Variants in PGLYRP2 observed in about 807,000 individuals in gnomAD.
The protein encoded by PGLYRP2 is peptidoglycan recognition protein 2, also known as N-acetylmuramoyl-L-alanine amidase.
PGLYRP2 carries 38 observed loss-of-function variants against 46.2 expected under a neutral mutation model. The ratio of observed to expected loss-of-function variants is 0.82; its 90% CI spans 0.64 to 1.08. The LOEUF is 1.08. Ranked by LOEUF, PGLYRP2 falls within the 50% of genes least tolerant of loss-of-function variation. The pLI is 0.00. For missense variants in PGLYRP2, 713 were observed against 755.9 expected, an observed-to-expected ratio of 0.94 and a Z score of 0.67; for synonymous variants, 289 against 329.4, an observed-to-expected ratio of 0.88 and a Z score of 1.33.
At position 15,475,650 on chromosome 19, in the gene PGLYRP2, A is replaced by G. The variant is rs1970786897; in HGVS notation, c.1020T>C (p.Leu340=). The change falls in exon 2 of 5, where the codon CTT becomes CTC. Residue 340 remains leucine, a synonymous_variant. Transcript: ENST00000340880. ...CTGGCTCCAGCCTCTGTAGAAGGAC[A>G]AGGGTTCCCCACACCTGCTGGGCCA... The part of the protein sequence containing the change: ...SILAQQVWGT[L]VLLQRLEPVH... The G allele has an allele frequency of 6.2e-7, 1 of 1,614,020 alleles. No individual in the cohort carries two copies. Among genetic ancestry groups the G allele is most frequent in the African/African-American group, 1.3e-5 (1 of 74,906 alleles).
intron 3 of PGLYRP2, among the ~76,000 whole-genome samples, 184 bp from the exon 4 acceptor site, chr19:15,470,113 C>CGGTTTCTCTGGATCCGCCCTTCAGTACTG (rs538845475): frequency 1.2e-3 from 176 of 152,320 alleles, no homozygotes; most frequent in African/African-American, 3.4e-3. Context: ...CAGGACCGTT[C>CGGTTTCTCTGGATCCGCCCTTCAGTACTG]GGTTTCTCTG....
intron 2 of PGLYRP2, among the ~76,000 whole-genome samples, chr19:15,474,843 C>G (rs1349365867): frequency 1.3e-5 from 2 of 152,006 alleles, no homozygotes; most frequent in Non-Finnish European, 2.9e-5. Flanking sequence ...AAAAATTACC[C>G]AGACATGGTG....
chr19:15,470,236 T>TC (rs956058047), intron 3 of PGLYRP2, among the ~76,000 whole-genome samples: 19 of 119,342 alleles, frequency 1.6e-4, no homozygotes, highest in Non-Finnish European at 2.9e-4. Flanking sequence ...TTTGGGTTTT[T>TC]TTTCTTTCCT....
chr19:15,478,630 GTTTTT>G (rs1165681147), intron 1 of PGLYRP2, among the ~76,000 whole-genome samples: 1 of 128,206 alleles, frequency 7.8e-6, no homozygotes, highest in Admixed American at 8.0e-5. Flanking sequence ...ATTTGCCTTT[GTTTTT>G]TTTTTTTTTT....
intron 2 of PGLYRP2, 125 bp from the exon 3 acceptor site, chr19:15,472,225 C>T (rs1970757414): frequency 1.3e-6 from 1 of 746,008 alleles, no homozygotes; most frequent in Non-Finnish European, 2.2e-6. Flanking sequence ...GGTCCAGTCT[C>T]ACCCCACATT....
chr19:15,473,470 CAAAAAAAAAAAAAAAAAAAAA>C lies in PGLYRP2; in HGVS notation c.1133-1391_1133-1371del, dbSNP rs56053684. 5.6e-3 allele frequency among the ~76,000 whole-genome samples: 204 copies of C among 36,492 alleles called. 2 individuals are homozygous for C. The highest frequency in any genetic ancestry group is 0.019 in the African/African-American group (193 of 9,910). The allele number at this position is 36,492 out of a possible 152,430, so 23.9% of individuals were successfully genotyped here. A position where few individuals can be genotyped will look rare whatever the true frequency, so the allele number is the denominator to read the frequency against. On this transcript the variant is annotated intron_variant, in intron 2 of 4. Transcript: ENST00000340880. ...GGGCAACAGAGCAAAAACTCTGTCT[CAAAAAAAAAAAAAAAAAAAAA>C]AAAAAAAAAAAAAAAAAATTGCTCA...
chr19:15,470,713 C>T (rs1302440192), intron 3 of PGLYRP2, among the ~76,000 whole-genome samples: 1 of 151,994 alleles, frequency 6.6e-6, no homozygotes, highest in African/African-American at 2.4e-5. Flanking sequence ...GACGCGATCT[C>T]GGCTCACTGC....
intron 1 of PGLYRP2, among the ~76,000 whole-genome samples, chr19:15,477,629 T>C (rs6512037): frequency 0.55 from 83,305 of 150,284 alleles, 23,415 homozygotes; most frequent in East Asian, 0.82. Flanking sequence ...ACCCAGGAGG[T>C]GGAGGTTGCA....
At chr19:15,470,527 G>C (rs536112400) in intron 3 of PGLYRP2, among the ~76,000 whole-genome samples, 1 of 151,470 alleles carries the variant, frequency 6.6e-6, no homozygotes, top group African/African-American at 2.4e-5. Context: ...GGCTGGTCTC[G>C]AACTCCTGAC....
Position 15,475,970 on chromosome 19 carries a change from C to G in PGLYRP2, c.700G>C (p.Gly234Arg). ...AGNLGLTFLRGSQTQSHPDLG... is the reference protein window; with the variant it reads ...AGNLGLTFLRRSQTQSHPDLG... Reference sequence around the variant, plus strand: ...TCTGGATGGCTCTGGGTCTGGGAACCTCGGAGGAAGGTCAGGCCCAGGTTT... The same window carrying G: ...TCTGGATGGCTCTGGGTCTGGGAACGTCGGAGGAAGGTCAGGCCCAGGTTT... Residue 234 changes from glycine (G) to arginine (R), a missense_variant, in exon 2 of 5, where the codon GGT becomes CGT. Transcript: ENST00000340880. 7 of 1,614,128 alleles carry G rather than the reference C, an allele frequency of 4.3e-6. No individual in the cohort carries two copies. Among genetic ancestry groups the G allele is most frequent in the Non-Finnish European group, 5.9e-6 (7 of 1,180,012 alleles).
chr19:15,478,761 C>T (rs748958796), intron 1 of PGLYRP2, among the ~76,000 whole-genome samples: 17 of 151,676 alleles, frequency 1.1e-4, no homozygotes, highest in Non-Finnish European at 1.8e-4. Context: ...GCTGGGATTA[C>T]AGGTGCCTGC....
chr19:15,469,459 G>T lies in PGLYRP2; in HGVS notation c.1641+173C>A. The T allele has an allele frequency of 1.1e-6, 1 of 918,378 alleles. No individual in the cohort carries two copies. Among genetic ancestry groups the T allele is most frequent in the Non-Finnish European group, 1.7e-6 (1 of 581,188 alleles). The allele number at this position is 918,378 out of a possible 1,614,324, so 56.9% of individuals were successfully genotyped here. On this transcript the variant is annotated intron_variant, in intron 4 of 4. Transcript: ENST00000340880. This position sits in a 1 kb window ranked among gnomAD's most constrained non-coding sequence, Gnocchi z 4.9. ...CACAGGATCAGGGATGTTGCCCGCA[G>T]AGTGACCCGCAAAGGCTGGGCCTAG...
chr19:15,468,753 C>A lies in PGLYRP2; in HGVS notation c.1642-1G>T. 6.2e-7 allele frequency: 1 copy of A among 1,608,138 alleles called. No individual in the cohort carries two copies. Among genetic ancestry groups the A allele is most frequent in the South Asian group, 1.1e-5 (1 of 90,318 alleles). On this transcript the variant is annotated splice_acceptor_variant, in intron 4 of 4. Coordinates refer to ENST00000340880, the MANE Select transcript of PGLYRP2 (RefSeq NM_052890.4). LOFTEE classifies it high-confidence loss of function. The stretch of plus-strand genomic sequence containing the variant: ...TCCTGGCAGGTCTTGGCTTAACAGT[C>A]TGGAAAAAGACAAGGGAGTGTGAGG...
intron 2 of PGLYRP2, among the ~76,000 whole-genome samples, chr19:15,474,994 A>G (rs1332048458): frequency 1.3e-5 from 2 of 151,994 alleles, no homozygotes; most frequent in African/African-American, 4.8e-5. Context: ...AAAAAAAAAA[A>G]AGAAAGAATG....
intron 1 of PGLYRP2, among the ~76,000 whole-genome samples, chr19:15,477,083 AG>A (rs1372360400): frequency 6.6e-6 from 1 of 152,024 alleles, no homozygotes; most frequent in African/African-American, 2.4e-5. Context: ...GGGATGTTAG[AG>A]GGAAAGGTAT....
chr19:15,476,149 C>G lies in PGLYRP2; in HGVS notation c.521G>C (p.Arg174Thr). ...DVRATSSPGLRDGSPDVTTAD... is the reference protein window; with the variant it reads ...DVRATSSPGLTDGSPDVTTAD... ...AGTGGTGACATCTGGAGAGCCATCCCTGAGTCCTGGGGAGGAGGTGGCTCT... is the reference window on the plus strand; with the variant it reads ...AGTGGTGACATCTGGAGAGCCATCCGTGAGTCCTGGGGAGGAGGTGGCTCT... Residue 174 changes from arginine to threonine, a missense_variant, in exon 2 of 5, where the codon AGG becomes ACG. Transcript: ENST00000340880. 1 of 1,614,210 alleles carries G rather than the reference C, an allele frequency of 6.2e-7. No homozygotes were observed. The highest frequency in any genetic ancestry group is 8.5e-7 in the Non-Finnish European group (1 of 1,180,036).
At position 15,469,594 on chromosome 19, in the gene PGLYRP2, G is replaced by A. The variant is rs1325484827; in HGVS notation, c.1641+38C>T. The A allele has an allele frequency of 6.4e-7, 1 of 1,562,304 alleles. No homozygotes were observed. The highest frequency in any genetic ancestry group is 8.6e-7 in the Non-Finnish European group (1 of 1,161,342). On this transcript the variant is annotated intron_variant, in intron 4 of 4. Coordinates refer to ENST00000340880, the MANE Select transcript of PGLYRP2 (RefSeq NM_052890.4). The surrounding 1 kb of genome is among the most constrained non-coding windows in gnomAD (Gnocchi z 4.9). ...CCTCGTGGAGCTTGTGTAGACGGAG[G>A]GGCGGCGGGCCGTGTAGTGCAGGCT... is the stretch of plus-strand genomic sequence containing the variant.
chr19:15,471,777 G>T, intron 3 of PGLYRP2, 113 bp downstream of exon 3: 1 of 1,242,690 alleles, frequency 8.0e-7, no homozygotes, highest in Non-Finnish European at 1.1e-6. Context: ...ACTCCTCCTT[G>T]GTCTTGCCAG....
rs1334713885 is a variant in PGLYRP2 at position 15,468,801 on chromosome 19, G to A, written c.1642-49C>T. The stretch of plus-strand genomic sequence containing the variant: ...AGGCTTGGGGGTGGTTGTGGTATGT[G>A]GCTGGGTCTGCCCTCCTGGTGGTGG... On this transcript the variant is annotated intron_variant, in intron 4 of 4. Transcript: ENST00000340880. 4 of 1,472,658 alleles carry A rather than the reference G, an allele frequency of 2.7e-6. No homozygotes were observed. The African/African-American group carries it at 5.6e-5, about 21-fold the overall frequency. 91.2% of individuals were successfully genotyped at this position (1,472,658 alleles called of 1,614,324 possible).
Sources: allele counts gnomAD v4.1 joint callset (sites outside exome capture counted in the v4.1 genomes callset), GRCh38; gene constraint gnomAD v4.1.1; non-coding constraint Gnocchi (gnomAD v3.1); transcripts MANE v1.5; gene names NCBI Gene and HGNC (gene_info 2026-07-23, HGNC 2026-07-21).